FAM47E: variants seen among roughly 807,000 people sequenced by gnomAD.
The protein encoded by FAM47E is protein FAM47E.
In FAM47E, 32 loss-of-function variants were observed where a neutral mutation model predicts 41.6. That is an observed-to-expected ratio of 0.77 (90% CI 0.58 to 1.03). The LOEUF is 1.03. Ranked by LOEUF, FAM47E falls within the 50% of genes least tolerant of loss-of-function variation. The pLI is 0.00. For missense variants in FAM47E, 424 were observed against 485.4 expected (o/e 0.87, Z 1.19); for synonymous variants, 184 against 188.7 (o/e 0.98, Z 0.20).
At chr4:76,264,482 AC>A (rs1734547717) in intron 3 of FAM47E, among the ~76,000 whole-genome samples, 1 of 151,876 alleles carries the variant, frequency 6.6e-6, no homozygotes, top group African/African-American at 2.4e-5. Context: ...TAACGAAAGC[AC>A]CTCCCTTTTG....
At position 76,219,892 on chromosome 4, in the gene FAM47E, C is replaced by T. The variant is rs568495592; in HGVS notation, c.81+2204C>T. Among the ~76,000 whole-genome samples the T allele has an allele frequency of 9.1e-4, 138 of 152,320 alleles. 2 individuals carry two copies. Among genetic ancestry groups the T allele is most frequent in the South Asian group, 3.3e-3 (16 of 4,822 alleles). On this transcript the variant is annotated intron_variant, in intron 2 of 7. Transcript: ENST00000510197. The stretch of plus-strand genomic sequence containing the variant: ...TAGAAGCCTCCTATACTCATCAAAC[C>T]TCAGAGAAGACTGCTATTCAGTTAA...
At chr4:76,248,235 G>C (rs112019697), upstream of FAM47E, among the ~76,000 whole-genome samples, 432 of 151,940 alleles carry the variant, frequency 2.8e-3, 4 homozygotes, top group African/African-American at 0.01. Flanking sequence ...TCTTGATCAT[G>C]TTTTTCGATA....
intron 2 of FAM47E, chr4:76,236,339 T>C (rs1733586421): frequency 6.6e-6 from 1 of 152,208 alleles, no homozygotes; most frequent in South Asian, 2.1e-4. Flanking sequence ...TTTCATATTG[T>C]ATTTATTTCA....
intron 2 of FAM47E, among the ~76,000 whole-genome samples, chr4:76,220,054 G>T (rs1313775968): frequency 6.6e-6 from 1 of 152,196 alleles, no homozygotes; most frequent in African/African-American, 2.4e-5. Context: ...AAGCAGAACT[G>T]TTTCCTCCAT....
Position 76,262,339 on chromosome 4 carries a change from T to C in FAM47E, c.421-1365T>C, listed in dbSNP as rs573638689. Among the ~76,000 whole-genome samples the C allele has an allele frequency of 3.3e-5, 5 of 152,348 alleles. No individual in the cohort carries two copies. The South Asian group carries it at 1.0e-3, about 32-fold the overall frequency. On this transcript the variant is annotated intron_variant, in intron 2 of 7. Coordinates refer to ENST00000424749, the MANE Select transcript of FAM47E (RefSeq NM_001136570.3). ...TAAATGCCTGCCAGTTCTTATGGAA[T>C]ACCTCTGTGTAATTGCCCATAATCT...
intron 2 of FAM47E, among the ~76,000 whole-genome samples, chr4:76,231,942 G>GTCT (rs1733500817): frequency 6.6e-6 from 1 of 152,220 alleles, no homozygotes; most frequent in South Asian, 2.1e-4. Flanking sequence ...TACCCTTCCA[G>GTCT]TCAAAGACTT....
At chr4:76,254,599 T>A (rs1397530658) in intron 1 of FAM47E, among the ~76,000 whole-genome samples, 1 of 152,174 alleles carries the variant, frequency 6.6e-6, no homozygotes, top group African/African-American at 2.4e-5. Flanking sequence ...AAGAAGTTTC[T>A]AGGACTCACT....
In FAM47E at chr4:76,256,543, G is replaced by C; in HGVS notation, c.420+20G>C. On this transcript the variant is annotated intron_variant, in intron 2 of 7. Coordinates refer to ENST00000424749, the MANE Select transcript of FAM47E (RefSeq NM_001136570.3). ...ATAGAGGTGATGTGTCCTAGGGTTT[G>C]TGGGAGGGGCTTCACTGGGGCCTTG... The C allele has an allele frequency of 6.6e-7, 1 of 1,513,950 alleles. No individual in the cohort carries two copies. The highest frequency in any genetic ancestry group is 8.9e-7 in the Non-Finnish European group (1 of 1,124,026). The allele number at this position is 1,513,950 out of a possible 1,614,324, so 93.8% of individuals were successfully genotyped here.
intron 5 of FAM47E, among the ~76,000 whole-genome samples, chr4:76,274,152 A>G (rs1410218640): frequency 6.6e-6 from 1 of 152,158 alleles, no homozygotes; most frequent in African/African-American, 2.4e-5. Flanking sequence ...TCTTTGATGG[A>G]TGCTAGGCAG....
At chr4:76,236,034 T>C (rs554362304) in intron 2 of FAM47E, among the ~76,000 whole-genome samples, 1 of 152,350 alleles carries the variant, frequency 6.6e-6, no homozygotes, top group East Asian at 1.9e-4. Flanking sequence ...CTTTTATAAC[T>C]GTGGCACCAG....
intron 2 of FAM47E, among the ~76,000 whole-genome samples, chr4:76,259,935 A>G (rs1413446106): frequency 6.6e-6 from 1 of 152,202 alleles, no homozygotes; most frequent in Non-Finnish European, 1.5e-5. Context: ...GAAGCTGACA[A>G]CCAAATCAAG....
intron 2 of FAM47E, among the ~76,000 whole-genome samples, chr4:76,245,749 G>T (rs1425452313): frequency 6.6e-6 from 1 of 151,808 alleles, no homozygotes; most frequent in Non-Finnish European, 1.5e-5. Flanking sequence ...ATGGCCCACT[G>T]TTCAACAAAG....
chr4:76,218,374 G>A (rs779917681), intron 2 of FAM47E, among the ~76,000 whole-genome samples: 4 of 152,144 alleles, frequency 2.6e-5, no homozygotes, highest in Non-Finnish European at 5.9e-5. Flanking sequence ...TTACATTACA[G>A]AACTGCTTTA....
At chr4:76,249,047 T>C (rs988183861), upstream of FAM47E, among the ~76,000 whole-genome samples, 2 of 151,958 alleles carry the variant, frequency 1.3e-5, no homozygotes, top group African/African-American at 4.8e-5. Context: ...GCAAACATGG[T>C]GAAACTCCCA....
At chr4:76,245,481 A>G (rs1733806026) in intron 2 of FAM47E, among the ~76,000 whole-genome samples, 1 of 152,066 alleles carries the variant, frequency 6.6e-6, no homozygotes, top group African/African-American at 2.4e-5. Flanking sequence ...TATAAATAGG[A>G]GAGAGATGGA....
chr4:76,254,490 T>C (rs2110003204), intron 1 of FAM47E, among the ~76,000 whole-genome samples: 1 of 152,286 alleles, frequency 6.6e-6, no homozygotes, highest in South Asian at 2.1e-4. Context: ...AGAGAGTAAC[T>C]TTTTGTTAAG....
intron 2 of FAM47E, among the ~76,000 whole-genome samples, chr4:76,225,785 T>A (rs754335130): frequency 3.3e-5 from 5 of 152,222 alleles, no homozygotes; most frequent in Non-Finnish European, 7.3e-5. Flanking sequence ...TGGATCCAGT[T>A]AGCTAGTATT....
intron 3 of FAM47E, among the ~76,000 whole-genome samples, chr4:76,264,494 T>C (rs1177207456): frequency 2.0e-5 from 3 of 152,134 alleles, no homozygotes; most frequent in Non-Finnish European, 4.4e-5. Flanking sequence ...CTCCCTTTTG[T>C]AACACATTCT....
Position 76,271,609 on chromosome 4 carries a change from T to C in FAM47E, c.711T>C (p.Phe237=), listed in dbSNP as rs1021511555. The C allele has an allele frequency of 1.9e-6, 3 of 1,552,196 alleles. No individual in the cohort carries two copies. Among genetic ancestry groups the C allele is most frequent in the Admixed American group, 3.9e-5 (2 of 51,016 alleles). Residue 237 remains phenylalanine, a synonymous_variant, in exon 5 of 8, where the codon TTT becomes TTC. Transcript: ENST00000424749. ...DIDEEFILKQ[F]DIDYETKPSH... ...ATGAAGAGTTCATCTTGAAACAGTT[T>C]GACATTGACTATGAGACCAAACCAA... is the stretch of plus-strand genomic sequence containing the variant.
Sources: allele counts gnomAD v4.1 joint callset (sites outside exome capture counted in the v4.1 genomes callset), GRCh38; gene constraint gnomAD v4.1.1; transcripts MANE v1.5; gene names NCBI Gene and HGNC (gene_info 2026-07-23, HGNC 2026-07-21).